Variants in CWF19L2 observed in about 807,000 individuals in gnomAD.
The protein encoded by CWF19L2 is CWF19 like cell cycle control factor 2, also known as CWF19-like protein 2.
In CWF19L2, 98 loss-of-function variants were observed where a neutral mutation model predicts 111.7. The ratio of observed to expected loss-of-function variants is 0.88; its 90% confidence interval spans 0.75 to 1.04. The LOEUF is 1.04. Ranked by LOEUF, CWF19L2 falls within the 50% of genes least tolerant of loss-of-function variation. The pLI is 0.00. For synonymous variants in CWF19L2, 351 were observed against 342.9 expected, an observed-to-expected ratio of 1.02 and a Z score of -0.26; for missense variants, 1,101 against 1,051.4, an observed-to-expected ratio of 1.05 and a Z score of -0.65.
At chr11:107,357,739 T>C (rs1408508758) in intron 12 of CWF19L2, among the ~76,000 whole-genome samples, 1 of 152,224 alleles carries the variant, frequency 6.6e-6, no homozygotes, top group Non-Finnish European at 1.5e-5. Context: ...CTTTAGGCTT[T>C]GATACAAATA....
chr11:107,326,978 T>G lies in CWF19L2; in HGVS notation c.2617A>C (p.Arg873=), dbSNP rs753047119. 9 of 1,612,434 alleles carry G rather than the reference T, an allele frequency of 5.6e-6. 1 individual carries two copies. The highest frequency in any genetic ancestry group is 7.6e-6 in the Non-Finnish European group (9 of 1,179,128). ...TGAGCAAACTGCAGTGCTTTTTTCC[T>G]CTGATCCTCAAAGCTTTCTCGGATG... ...KGIRESFEDQ[R]KKALQFAQWW... is the part of the protein sequence containing the mutation. The change falls in exon 18 of 18, where the codon AGG becomes CGG. Residue 873 remains arginine, a synonymous_variant. Transcript: ENST00000282251.
intron 14 of CWF19L2, among the ~76,000 whole-genome samples, chr11:107,340,484 G>A (rs896032550): frequency 5.9e-5 from 9 of 152,120 alleles, no homozygotes; most frequent in Non-Finnish European, 1.3e-4. Flanking sequence ...ATTTGGTTGT[G>A]TCTATTTCTG....
At position 107,326,883 on chromosome 11, in the gene CWF19L2, G is replaced by C; in HGVS notation, c.*27C>G. 2 of 1,556,134 alleles carry C rather than the reference G, an allele frequency of 1.3e-6. No individual in the cohort carries two copies. The highest frequency in any genetic ancestry group is 1.7e-4 in the Middle Eastern group (1 of 5,778). ...GAAATAAAACTGAACGGGATCTGAA[G>C]AAAAATTTTAAAATGGAAGGTACAC... On this transcript the variant is annotated 3_prime_UTR_variant, in exon 18 of 18. Coordinates refer to ENST00000282251, the MANE Select transcript of CWF19L2 (RefSeq NM_152434.3).
At chr11:107,395,335 C>T (rs1474131035) in intron 10 of CWF19L2, among the ~76,000 whole-genome samples, 1 of 152,178 alleles carries the variant, frequency 6.6e-6, no homozygotes, top group East Asian at 1.9e-4. Flanking sequence ...AACTGTAAGT[C>T]CAATTAAACC....
chr11:107,379,781 C>A (rs144487211), intron 12 of CWF19L2, among the ~76,000 whole-genome samples: 1 of 152,026 alleles, frequency 6.6e-6, no homozygotes, highest in Admixed American at 6.6e-5. Context: ...GATACTCAGC[C>A]GGGCGCGGTG....
intron 3 of CWF19L2, among the ~76,000 whole-genome samples, chr11:107,446,125 T>C (rs1049342835): frequency 2.0e-5 from 3 of 152,226 alleles, no homozygotes; most frequent in Admixed American, 2.0e-4. Context: ...CTATCTTGTA[T>C]AATCAATGGC....
At chr11:107,443,361 T>C (rs1242625018) in intron 3 of CWF19L2, among the ~76,000 whole-genome samples, 1 of 152,126 alleles carries the variant, frequency 6.6e-6, no homozygotes, top group East Asian at 1.9e-4. Context: ...CGCATGCCTG[T>C]AATCCCAGCT....
rs541449454 is a variant in CWF19L2, at chr11:107,421,936, T to C, written c.1434-3649A>G. On this transcript the variant is annotated intron_variant, in intron 8 of 17. Coordinates refer to ENST00000282251, the MANE Select transcript of CWF19L2 (RefSeq NM_152434.3). ...GTTCAGAATTGTACATAATTTATAA[T>C]AGCCAAAACGTGGAAACAATCTCAA... Among the ~76,000 whole-genome samples, 3 of 152,156 alleles carry C rather than the reference T, an allele frequency of 2.0e-5. No homozygotes were observed. In the South Asian group the frequency reaches 6.2e-4, roughly 32 times the overall value.
rs191919708 is a variant in CWF19L2 at position 107,328,104 on chromosome 11, A to C, written c.2542-1051T>G. Among the ~76,000 whole-genome samples, 342 of 149,864 alleles carry C rather than the reference A, an allele frequency of 2.3e-3. 2 individuals are homozygous for C. Among genetic ancestry groups the C allele is most frequent in the Admixed American group, 5.0e-3 (75 of 14,934 alleles). ...GCAGCAGACTGTCTCATAAAGTAGA[A>C]GGTAAGTGTCAAAGCAGACCATTTG... On this transcript the variant is annotated intron_variant, in intron 17 of 17. Coordinates refer to ENST00000282251, the MANE Select transcript of CWF19L2 (RefSeq NM_152434.3).
chr11:107,392,743 T>C, intron 11 of CWF19L2, 36 bp downstream of exon 11: 1 of 1,273,704 alleles, frequency 7.9e-7, no homozygotes, highest in South Asian at 1.3e-5. Context: ...AAGAAGGAAT[T>C]CTGAATTAAT....
At chr11:107,389,209 C>T (rs1860813746) in intron 12 of CWF19L2, among the ~76,000 whole-genome samples, 2 of 152,188 alleles carry the variant, frequency 1.3e-5, no homozygotes, top group African/African-American at 4.8e-5. Context: ...CTCCCACTAC[C>T]AAAAAGTAAC....
At chr11:107,405,850 A>AAAG (rs3050912) in intron 10 of CWF19L2, among the ~76,000 whole-genome samples, 54,168 of 141,442 alleles carry the variant, frequency 0.38, 10,625 homozygotes, top group Middle Eastern at 0.42. Flanking sequence ...AAAAAAAAAA[A>AAAG]AAGAAGAAGA....
At chr11:107,341,908 A>G (rs941224329) in intron 14 of CWF19L2, among the ~76,000 whole-genome samples, 3 of 152,004 alleles carry the variant, frequency 2.0e-5, no homozygotes, top group African/African-American at 7.2e-5. Flanking sequence ...ATCTGTACTA[A>G]TACTGTTTTA....
chr11:107,437,359 C>G lies in CWF19L2; in HGVS notation c.664+1731G>C, dbSNP rs982695672. On this transcript the variant is annotated intron_variant, in intron 6 of 17. Transcript: ENST00000282251. ...AACATTCTAATCCCAAGTAGACTGA[C>G]TCCAAAGTCTAGTCCTTTAACAATA... 4.6e-5 allele frequency among the ~76,000 whole-genome samples: 7 copies of G among 152,158 alleles called. No individual in the cohort carries two copies. The South Asian group carries it at 1.5e-3, about 32-fold the overall frequency.
intron 10 of CWF19L2, chr11:107,403,680 T>C (rs1861039159): frequency 1.9e-5 from 15 of 781,220 alleles, no homozygotes; most frequent in South Asian, 1.9e-4. Context: ...TCCTCAGGAA[T>C]GATGCTGCCC....
At chr11:107,329,350 C>T (rs935999225) in intron 17 of CWF19L2, among the ~76,000 whole-genome samples, 16 of 152,164 alleles carry the variant, frequency 1.1e-4, no homozygotes, top group African/African-American at 3.9e-4. Flanking sequence ...CAGAAACTAT[C>T]AGCGTAAAAT....
At chr11:107,416,829 G>A (rs1438158795) in intron 9 of CWF19L2, among the ~76,000 whole-genome samples, 2 of 152,122 alleles carry the variant, frequency 1.3e-5, no homozygotes, top group Non-Finnish European at 2.9e-5. Flanking sequence ...AGAATAGCAA[G>A]CACCACCACA....
At chr11:107,444,644 T>C (rs1203224259) in intron 3 of CWF19L2, among the ~76,000 whole-genome samples, 1 of 152,222 alleles carries the variant, frequency 6.6e-6, no homozygotes, top group Non-Finnish European at 1.5e-5. Flanking sequence ...AAAGTTTCAC[T>C]GACTAATTGT....
At chr11:107,453,605 T>C (rs990735791) in intron 3 of CWF19L2, among the ~76,000 whole-genome samples, 1 of 151,574 alleles carries the variant, frequency 6.6e-6, no homozygotes, top group East Asian at 2.0e-4. Context: ...ACTCAGCACA[T>C]TCCCAGCTGT....
Sources: gnomAD v4.1 joint callset for allele counts (sites outside exome capture counted in the v4.1 genomes callset) on GRCh38, gnomAD v4.1.1 for gene constraint, MANE v1.5 for transcripts, NCBI Gene and HGNC (gene_info 2026-07-23, HGNC 2026-07-21) for gene names.